Variants in PTPRD observed in about 807,000 individuals in gnomAD.
The protein encoded by PTPRD is protein tyrosine phosphatase receptor type D, also known as receptor-type tyrosine-protein phosphatase delta.
Under a neutral mutation model 214.5 loss-of-function variants are expected in PTPRD, and 34 were observed. The ratio of observed to expected loss-of-function variants is 0.16; its 90% CI spans 0.12 to 0.21. The LOEUF is 0.21. Among genes scored for constraint, PTPRD ranks in the 10% least tolerant of loss-of-function variants. PTPRD has a pLI of 1.00. For synonymous variants in PTPRD, 1,128 were observed against 845.7 expected (o/e 1.33, Z -5.79); for missense variants, 2,545 against 2,398.7 (o/e 1.06, Z -1.27).
At chr9:9,683,705 G>A (rs1284050532) in intron 7 of PTPRD, among the ~76,000 whole-genome samples, 1 of 151,532 alleles carries the variant, frequency 6.6e-6, no homozygotes, top group East Asian at 1.9e-4. Context: ...AATCCACAAT[G>A]AAAACTGAAA....
intron 44 of PTPRD, 108 bp downstream of exon 44, chr9:8,331,474 A>G: frequency 7.8e-7 from 1 of 1,286,958 alleles, no homozygotes. Context: ...TTTGTAATAC[A>G]TTGCCAAGAA....
chr9:10,560,530 C>T (rs1001098360), intron 2 of PTPRD, among the ~76,000 whole-genome samples: 13 of 151,914 alleles, frequency 8.6e-5, no homozygotes, highest in Admixed American at 1.3e-4. Context: ...GCACATTGTG[C>T]ACATGTACCC....
intron 3 of PTPRD, among the ~76,000 whole-genome samples, chr9:10,293,945 A>G (rs989222296): frequency 2.0e-5 from 3 of 151,980 alleles, no homozygotes; most frequent in Non-Finnish European, 4.4e-5. Flanking sequence ...GCTCAGTAAT[A>G]TGCCTTCTGC....
intron 8 of PTPRD, among the ~76,000 whole-genome samples, chr9:9,542,903 T>G (rs543407264): frequency 6.6e-6 from 1 of 151,724 alleles, no homozygotes; most frequent in East Asian, 1.9e-4. Context: ...TTTAGAGAAC[T>G]GCTTGCCACT....
intron 26 of PTPRD, among the ~76,000 whole-genome samples, chr9:8,494,368 A>G (rs2097214034): frequency 6.6e-6 from 1 of 152,222 alleles, no homozygotes; most frequent in African/African-American, 2.4e-5. Context: ...TGCCAGATAA[A>G]TGGACTATTT....
intron 30 of PTPRD, among the ~76,000 whole-genome samples, chr9:8,476,252 G>T (rs892574059): frequency 3.3e-5 from 5 of 152,148 alleles, no homozygotes; most frequent in African/African-American, 9.7e-5. Context: ...TAAAGAGCCG[G>T]CAACCTAAAT....
intron 2 of PTPRD, among the ~76,000 whole-genome samples, chr9:10,390,517 C>T (rs779076134): frequency 2.0e-4 from 30 of 151,712 alleles, no homozygotes; most frequent in Non-Finnish European, 2.9e-4. Flanking sequence ...TAGTCCTCTC[C>T]GAAAGAATGC....
At chr9:10,084,811 C>T (rs1039857601) in intron 3 of PTPRD, among the ~76,000 whole-genome samples, 1 of 152,040 alleles carries the variant, frequency 6.6e-6, no homozygotes, top group African/African-American at 2.4e-5. Context: ...ATTTAGTTCA[C>T]AAGCTGTAGT....
At chr9:9,557,289 T>C (rs140940001) in intron 8 of PTPRD, among the ~76,000 whole-genome samples, 165 of 152,224 alleles carry the variant, frequency 1.1e-3, no homozygotes, top group African/African-American at 3.8e-3. Flanking sequence ...TCAGGCACAA[T>C]TGATCAGCAT....
At chr9:9,272,952 C>T (rs1488904848) in intron 9 of PTPRD, among the ~76,000 whole-genome samples, 1 of 151,254 alleles carries the variant, frequency 6.6e-6, no homozygotes, top group Non-Finnish European at 1.5e-5. Context: ...TTAGATAGCG[C>T]TATATGCCTT....
intron 8 of PTPRD, among the ~76,000 whole-genome samples, chr9:9,427,600 C>T (rs750730870): frequency 6.6e-6 from 1 of 152,090 alleles, no homozygotes; most frequent in Non-Finnish European, 1.5e-5. Context: ...AACTCCAAGA[C>T]ACATAATTGT....
intron 9 of PTPRD, among the ~76,000 whole-genome samples, chr9:9,230,780 A>C (rs1269650473): frequency 2.0e-5 from 3 of 152,160 alleles, no homozygotes; most frequent in African/African-American, 7.2e-5. Flanking sequence ...TTGGCTGAAA[A>C]TAAGAGGATA....
chr9:9,048,310 C>T (rs955460114), intron 10 of PTPRD, among the ~76,000 whole-genome samples: 5 of 151,944 alleles, frequency 3.3e-5, no homozygotes, highest in Non-Finnish European at 7.4e-5. Context: ...GGGTATATAC[C>T]CAAAAGAAAG....
intron 12 of PTPRD, among the ~76,000 whole-genome samples, chr9:8,699,825 G>C (rs938624604): frequency 1.3e-5 from 2 of 151,352 alleles, no homozygotes; most frequent in Non-Finnish European, 2.9e-5. Flanking sequence ...TGCACAATTA[G>C]GTAGCATTTT....
chr9:8,721,822 G>C (rs1042091772), intron 12 of PTPRD, among the ~76,000 whole-genome samples: 3 of 152,168 alleles, frequency 2.0e-5, no homozygotes, highest in African/African-American at 4.8e-5. Flanking sequence ...GCTTGTGAAA[G>C]GTCTATCATA....
chr9:9,367,127 G>T (rs945955060), intron 9 of PTPRD, among the ~76,000 whole-genome samples: 2 of 151,376 alleles, frequency 1.3e-5, no homozygotes, highest in Non-Finnish European at 3.0e-5. Flanking sequence ...AATATAATCA[G>T]TGTTACGTGG....
chr9:9,510,640 A>G (rs2154243588), intron 8 of PTPRD, among the ~76,000 whole-genome samples: 1 of 150,756 alleles, frequency 6.6e-6, no homozygotes, highest in South Asian at 2.1e-4. Context: ...AAAAGGCAAA[A>G]TTACTTTTTT....
chr9:8,880,239 G>A (rs1587234432), intron 11 of PTPRD, among the ~76,000 whole-genome samples: 1 of 152,120 alleles, frequency 6.6e-6, no homozygotes, highest in South Asian at 2.1e-4. Flanking sequence ...GGGTAGCCAT[G>A]TTTATAATCA....
rs564777053 is a variant in PTPRD, at chr9:9,828,619, T to A, written c.-367-61768A>T. ...ATACATATGTAACAAACCTACACGT[T>A]GTGCACGTGTACCATAAAACTTAAA... On this transcript the variant is annotated intron_variant, in intron 5 of 45. Transcript: ENST00000381196. Among the ~76,000 whole-genome samples the A allele has an allele frequency of 7.9e-4, 120 of 152,162 alleles. 1 individual carries two copies. In the South Asian group the frequency reaches 0.018, roughly 23 times the overall value.
Sources: allele counts gnomAD v4.1 joint callset (sites outside exome capture counted in the v4.1 genomes callset), GRCh38; gene constraint gnomAD v4.1.1; transcripts MANE v1.5; gene names NCBI Gene and HGNC (gene_info 2026-07-23, HGNC 2026-07-21).